The following NRXN3 variants were observed in gnomAD, a reference collection of about 807,000 sequenced individuals.
The protein encoded by NRXN3 is neurexin III.
In NRXN3, 32 loss-of-function variants were observed where a neutral mutation model predicts 137.6. The observed-to-expected ratio is 0.23, with a 90% CI of 0.18 to 0.31. NRXN3 has a LOEUF of 0.31. Ranked by LOEUF, NRXN3 falls within the 10% of genes least tolerant of loss-of-function variation. The pLI, the probability that NRXN3 is intolerant of heterozygous loss-of-function variation, is 1.00. For missense variants in NRXN3, 1,574 were observed against 2,062.5 expected, an observed-to-expected ratio of 0.76 and a Z score of 4.59; for synonymous variants, 798 against 784.5, an observed-to-expected ratio of 1.02 and a Z score of -0.29.
intron 15 of NRXN3, among the ~76,000 whole-genome samples, chr14:79,445,127 G>A (rs1426968957): frequency 1.3e-5 from 2 of 152,076 alleles, no homozygotes; most frequent in African/African-American, 4.8e-5. Context: ...AGATCACGAG[G>A]TCAAGAGATC....
intron 16 of NRXN3, among the ~76,000 whole-genome samples, chr14:79,573,916 A>G (rs1328629589): frequency 6.6e-6 from 1 of 152,166 alleles, no homozygotes; most frequent in African/African-American, 2.4e-5. Context: ...TATTATTAAT[A>G]ACAATAAAAG....
chr14:79,841,476 T>C (rs1474383642), intron 20 of NRXN3, among the ~76,000 whole-genome samples: 5 of 152,202 alleles, frequency 3.3e-5, no homozygotes, highest in African/African-American at 1.2e-4. Context: ...ATAAACCTTT[T>C]TGAATAATTT....
intron 15 of NRXN3, among the ~76,000 whole-genome samples, chr14:79,054,890 A>G (rs1183951973): frequency 6.6e-6 from 1 of 152,158 alleles, no homozygotes; most frequent in Non-Finnish European, 1.5e-5. Flanking sequence ...AAAATATAGT[A>G]TTTTCTGAAA....
At position 79,612,138 on chromosome 14, in the gene NRXN3, T is replaced by C. The variant is rs560258503; in HGVS notation, c.3445-51640T>C. On this transcript the variant is annotated intron_variant, in intron 16 of 20. Transcript: ENST00000335750. ...GCTAATGTCAATGCCTAGTAAATTATAGTCTCAGAAACATGAAGATTCTAG... is the reference window on the plus strand; with the variant it reads ...GCTAATGTCAATGCCTAGTAAATTACAGTCTCAGAAACATGAAGATTCTAG... Among the ~76,000 whole-genome samples the C allele has an allele frequency of 2.6e-5, 4 of 152,358 alleles. No individual in the cohort carries two copies. In the South Asian group the frequency reaches 6.2e-4, roughly 24 times the overall value.
chr14:79,454,910 T>A (rs2096237438), intron 15 of NRXN3, among the ~76,000 whole-genome samples: 1 of 152,196 alleles, frequency 6.6e-6, no homozygotes, highest in Non-Finnish European at 1.5e-5. Flanking sequence ...GTTTCTGAAA[T>A]CATATTTTTC....
intron 19 of NRXN3, among the ~76,000 whole-genome samples, chr14:79,776,527 C>T (rs1358792181): frequency 1.3e-5 from 2 of 152,174 alleles, no homozygotes; most frequent in Admixed American, 6.5e-5. Context: ...GTTATCTCAT[C>T]CTTTACCTCC....
intron 4 of NRXN3, among the ~76,000 whole-genome samples, chr14:78,526,204 A>C (rs2096376548): frequency 6.6e-6 from 1 of 152,248 alleles, no homozygotes; most frequent in Admixed American, 6.5e-5. Flanking sequence ...ACACTTCAAC[A>C]GCAGAAAAAT....
Position 79,543,691 on chromosome 14 carries a change from A to T in NRXN3, c.3444+76289A>T, listed in dbSNP as rs2097294520. Among the ~76,000 whole-genome samples the T allele has an allele frequency of 2.0e-5, 3 of 152,228 alleles. No homozygotes were observed. In the South Asian group the frequency reaches 6.2e-4, roughly 32 times the overall value. Reference sequence around the variant, plus strand: ...CATTGAAAACAGAAGCTGCAACCTCAAATTTCTACAGGGACCAGACAGGTA... The same window carrying T: ...CATTGAAAACAGAAGCTGCAACCTCTAATTTCTACAGGGACCAGACAGGTA... On this transcript the variant is annotated intron_variant, in intron 16 of 20. Transcript: ENST00000335750.
At chr14:79,263,476 G>C (rs2077953933) in intron 15 of NRXN3, among the ~76,000 whole-genome samples, 2 of 152,126 alleles carry the variant, frequency 1.3e-5, no homozygotes, top group African/African-American at 4.8e-5. Context: ...TTAGTAACCA[G>C]AGACAAGCAG....
intron 15 of NRXN3, among the ~76,000 whole-genome samples, chr14:79,462,312 A>G (rs768222493): frequency 6.6e-6 from 1 of 151,978 alleles, no homozygotes; most frequent in Non-Finnish European, 1.5e-5. Flanking sequence ...GGCAGAGTTT[A>G]CAGTGAGCCA....
At chr14:79,458,818 G>A (rs1470795969) in intron 15 of NRXN3, among the ~76,000 whole-genome samples, 1 of 152,034 alleles carries the variant, frequency 6.6e-6, no homozygotes, top group Admixed American at 6.5e-5. Flanking sequence ...TCTGAGTGTG[G>A]TATAATTAAT....
intron 16 of NRXN3, among the ~76,000 whole-genome samples, chr14:79,544,681 T>G (rs1394890153): frequency 6.6e-6 from 1 of 152,150 alleles, no homozygotes; most frequent in African/African-American, 2.4e-5. Context: ...AAATCAATAG[T>G]ACTAAGGAGC....
chr14:79,452,120 TA>T (rs148052506), intron 15 of NRXN3, among the ~76,000 whole-genome samples: 15 of 150,042 alleles, frequency 1.0e-4, no homozygotes, highest in African/African-American at 2.4e-4. Flanking sequence ...ATCCCATCAT[TA>T]AAAAAAAATA....
chr14:78,328,954 C>T (rs1371753627), intron 4 of NRXN3, among the ~76,000 whole-genome samples: 1 of 152,140 alleles, frequency 6.6e-6, no homozygotes, highest in Admixed American at 6.5e-5. Context: ...GATTCTGCCA[C>T]ATGGTCTCCA....
chr14:79,251,284 A>G (rs758357809), intron 15 of NRXN3, among the ~76,000 whole-genome samples: 4 of 152,306 alleles, frequency 2.6e-5, no homozygotes, highest in Non-Finnish European at 5.9e-5. Flanking sequence ...GTATTCATTC[A>G]AAGAGGTACT....
At chr14:78,977,921 G>T (rs903061678) in intron 14 of NRXN3, among the ~76,000 whole-genome samples, 11 of 152,048 alleles carry the variant, frequency 7.2e-5, no homozygotes, top group African/African-American at 2.7e-4. Context: ...TGGGGTGCTG[G>T]TTGTTAAACA....
At chr14:78,838,351 G>GT (rs2099002780) in intron 10 of NRXN3, among the ~76,000 whole-genome samples, 1 of 152,082 alleles carries the variant, frequency 6.6e-6, no homozygotes, top group Admixed American at 6.6e-5. Flanking sequence ...AATTTCTACA[G>GT]ATTTTTTTAT....
chr14:79,342,669 T>A (rs998033583), intron 15 of NRXN3, among the ~76,000 whole-genome samples: 1 of 152,176 alleles, frequency 6.6e-6, no homozygotes, highest in Admixed American at 6.5e-5. Context: ...CGTTATCCCC[T>A]AGATTTCTGT....
intron 4 of NRXN3, among the ~76,000 whole-genome samples, chr14:78,361,324 C>T (rs1346578205): frequency 6.6e-6 from 1 of 152,162 alleles, no homozygotes; most frequent in Non-Finnish European, 1.5e-5. Context: ...TAGAGTAAGA[C>T]ATAAGATTCC....
Sources: gnomAD v4.1 joint callset for allele counts (sites outside exome capture counted in the v4.1 genomes callset) on GRCh38, gnomAD v4.1.1 for gene constraint, MANE v1.5 for transcripts, NCBI Gene and HGNC (gene_info 2026-07-23, HGNC 2026-07-21) for gene names.